The following STMND1 variants were observed in gnomAD, a reference collection of about 807,000 sequenced individuals.
STMND1 encodes the protein stathmin domain containing 1.
Under a neutral mutation model 23.0 loss-of-function variants are expected in STMND1, and 17 were observed. The observed-to-expected ratio is 0.74, with a 90% CI of 0.51 to 1.11. The LOEUF (loss-of-function observed/expected upper bound fraction) is 1.11, where lower values mean the gene tolerates loss of function less well. Among genes scored for constraint, STMND1 ranks in the 50% least tolerant of loss-of-function variants. STMND1 has a pLI of 0.00. For synonymous variants in STMND1, 114 were observed against 119.9 expected (o/e 0.95, Z 0.32); for missense variants, 305 against 329.1 (o/e 0.93, Z 0.57).
intron 1 of STMND1, among the ~76,000 whole-genome samples, chr6:17,113,729 A>C (rs542820493): frequency 9.2e-5 from 14 of 151,694 alleles, no homozygotes; most frequent in Admixed American, 4.6e-4. Flanking sequence ...CAGCCTCCCA[A>C]AGTTCTGGGG....
chr6:17,111,026 C>A, intron 1 of STMND1: 1 of 305,438 alleles, frequency 3.3e-6, no homozygotes, highest in South Asian at 2.7e-5. Context: ...AACACATTAG[C>A]ATTTAAAATT....
chr6:17,120,164 G>T (rs1761212898), intron 2 of STMND1, among the ~76,000 whole-genome samples: 2 of 152,230 alleles, frequency 1.3e-5, no homozygotes, highest in Non-Finnish European at 2.9e-5. Flanking sequence ...AGAACTAGAA[G>T]TCTCTTGGCA....
chr6:17,131,107 T>G lies in STMND1; in HGVS notation c.*226T>G. ...GGGGAGACTTGACCAGCATAGATAT[T>G]TGGCACTCTCCTTTGTGTGGCTTCA... On this transcript the variant is annotated 3_prime_UTR_variant, in exon 5 of 5. Transcript: ENST00000536551. 2.2e-6 allele frequency: 1 copy of G among 446,662 alleles called. No individual in the cohort carries two copies. Among genetic ancestry groups the G allele is most frequent in the Non-Finnish European group, 3.9e-6 (1 of 255,522 alleles). 27.7% of individuals were successfully genotyped at this position (446,662 alleles called of 1,614,324 possible).
At chr6:17,106,368 G>T (rs1016446471) in intron 1 of STMND1, among the ~76,000 whole-genome samples, 2 of 152,030 alleles carry the variant, frequency 1.3e-5, no homozygotes, top group Non-Finnish European at 2.9e-5. Flanking sequence ...TTTAATCTTT[G>T]TATCTCCAAT....
intron 1 of STMND1, among the ~76,000 whole-genome samples, chr6:17,106,354 G>A (rs1274223355): frequency 6.6e-6 from 1 of 152,178 alleles, no homozygotes; most frequent in Non-Finnish European, 1.5e-5. Flanking sequence ...GACAGGCACT[G>A]TTTTTTAATC....
At chr6:17,127,505 G>A (rs1466920390) in intron 3 of STMND1, among the ~76,000 whole-genome samples, 5 of 152,142 alleles carry the variant, frequency 3.3e-5, no homozygotes, top group African/African-American at 9.7e-5. Flanking sequence ...AGCCAAGATC[G>A]TGTCAATGCA....
At chr6:17,122,636 C>G (rs951754857) in intron 3 of STMND1, among the ~76,000 whole-genome samples, 1 of 151,072 alleles carries the variant, frequency 6.6e-6, no homozygotes, top group Non-Finnish European at 1.5e-5. Flanking sequence ...GAAAATAAAT[C>G]CTGCAGAAAG....
At chr6:17,108,123 A>G (rs893543343) in intron 1 of STMND1, among the ~76,000 whole-genome samples, 3 of 152,244 alleles carry the variant, frequency 2.0e-5, no homozygotes, top group Non-Finnish European at 4.4e-5. Flanking sequence ...GGTTTTGGTC[A>G]CCAGCAGAGC....
chr6:17,117,137 C>T (rs893638959), intron 2 of STMND1, among the ~76,000 whole-genome samples: 6 of 151,974 alleles, frequency 3.9e-5, no homozygotes, highest in Non-Finnish European at 5.9e-5. Context: ...GATGCCATCT[C>T]GACTCACTGC....
intron 1 of STMND1, among the ~76,000 whole-genome samples, chr6:17,103,174 A>C (rs1226770937): frequency 6.6e-6 from 1 of 152,208 alleles, no homozygotes; most frequent in Non-Finnish European, 1.5e-5. Context: ...CATATAATTT[A>C]TCATCAAAAT....
intron 1 of STMND1, among the ~76,000 whole-genome samples, chr6:17,105,141 C>T (rs1761005175): frequency 6.6e-6 from 1 of 152,144 alleles, no homozygotes; most frequent in Non-Finnish European, 1.5e-5. Context: ...TATGCAAATA[C>T]TACACCATTT....
At position 17,102,169 on chromosome 6, in the gene STMND1, G is replaced by C; in HGVS notation, c.-89G>C. 7.6e-7 allele frequency: 1 copy of C among 1,323,404 alleles called. No individual in the cohort carries two copies. The highest frequency in any genetic ancestry group is 2.1e-4 in the Middle Eastern group (1 of 4,758). 82.0% of individuals were successfully genotyped at this position (1,323,404 alleles called of 1,614,324 possible). On this transcript the variant is annotated 5_prime_UTR_variant, in exon 1 of 5. Coordinates refer to ENST00000536551, the MANE Select transcript of STMND1 (RefSeq NM_001190766.2). ...GGCGTAGGGCGCAGGGCGCAGGAGC[G>C]CGGGACCACCGGCGCCGGAGCGCGG...
intron 1 of STMND1, among the ~76,000 whole-genome samples, chr6:17,111,816 G>A (rs1281235708): frequency 6.6e-6 from 1 of 152,206 alleles, no homozygotes; most frequent in African/African-American, 2.4e-5. Context: ...GGAAGTCCAA[G>A]ATCAAGGCAA....
At chr6:17,120,555 A>C in intron 2 of STMND1, 52 bp from the exon 3 acceptor site, 1 of 1,405,718 alleles carries the variant, frequency 7.1e-7, no homozygotes, top group Non-Finnish European at 9.3e-7. Flanking sequence ...TGATTGAAAA[A>C]ATCTTCATTC....
chr6:17,117,186 C>T (rs1162750232), intron 2 of STMND1, among the ~76,000 whole-genome samples: 1 of 151,718 alleles, frequency 6.6e-6, no homozygotes, highest in African/African-American at 2.4e-5. Context: ...CTCCTGCCTC[C>T]GCCTCCTGAG....
intron 1 of STMND1, among the ~76,000 whole-genome samples, chr6:17,105,374 GGT>G (rs1329093578): frequency 6.6e-6 from 1 of 152,194 alleles, no homozygotes; most frequent in Non-Finnish European, 1.5e-5. Context: ...GGCCGGGTGT[GGT>G]GGCTCCTGCC....
chr6:17,115,899 A>G (rs985789205), intron 2 of STMND1, among the ~76,000 whole-genome samples: 2 of 152,196 alleles, frequency 1.3e-5, no homozygotes, highest in African/African-American at 4.8e-5. Context: ...CTTTCCTGGC[A>G]CACTCAGGTT....
At chr6:17,121,311 C>A (rs1483405035) in intron 3 of STMND1, among the ~76,000 whole-genome samples, 2 of 152,108 alleles carry the variant, frequency 1.3e-5, no homozygotes, top group Non-Finnish European at 2.9e-5. Flanking sequence ...GAAATTGCTC[C>A]AATTATTAAT....
At chr6:17,113,562 C>G (rs1310883230) in intron 1 of STMND1, among the ~76,000 whole-genome samples, 1 of 152,068 alleles carries the variant, frequency 6.6e-6, no homozygotes, top group Non-Finnish European at 1.5e-5. Flanking sequence ...CCTAGCCCAG[C>G]TGACACATAA....
Sources: allele counts gnomAD v4.1 joint callset (sites outside exome capture counted in the v4.1 genomes callset), GRCh38; gene constraint gnomAD v4.1.1; transcripts MANE v1.5; gene names NCBI Gene and HGNC (gene_info 2026-07-23, HGNC 2026-07-21).